SYT14: variants seen among roughly 807,000 people sequenced by gnomAD.
The protein encoded by SYT14 is synaptotagmin-14.
In SYT14, 32 loss-of-function variants were observed where a neutral mutation model predicts 74.2. That is an observed-to-expected ratio of 0.43 (90% CI 0.33 to 0.58). SYT14 has a LOEUF of 0.58. Ranked by LOEUF, SYT14 falls within the 20% of genes least tolerant of loss-of-function variation. The probability of loss-of-function intolerance (pLI) is 0.05; values close to 1 mark genes in which losing one functional copy is unlikely to be tolerated. For missense variants in SYT14, 791 were observed against 981.8 expected (o/e 0.81, Z 2.60); for synonymous variants, 298 against 337.7 (o/e 0.88, Z 1.29).
intron 3 of SYT14, among the ~76,000 whole-genome samples, chr1:210,015,505 T>G (rs1399802052): frequency 6.6e-6 from 1 of 152,218 alleles, no homozygotes; most frequent in Non-Finnish European, 1.5e-5. Flanking sequence ...TGTCCACACT[T>G]CCTCTCCCCT....
In SYT14 at chr1:209,944,505, G is replaced by T. The variant is rs144125891; in HGVS notation, c.-534+6228G>T. Reference sequence around the variant, plus strand: ...CTTTGTAAATTATAAAGTGCTCTGAGATATTGTTGTCAATAAGATCTAGTT... The same window carrying T: ...CTTTGTAAATTATAAAGTGCTCTGATATATTGTTGTCAATAAGATCTAGTT... On this transcript the variant is annotated intron_variant, in intron 1 of 9. Coordinates refer to ENST00000637265, the Ensembl canonical transcript of SYT14. 2.6e-5 allele frequency among the ~76,000 whole-genome samples: 4 copies of T among 152,292 alleles called. No homozygotes were observed. In the East Asian group the frequency reaches 7.7e-4, roughly 29 times the overall value.
At chr1:210,108,071 C>T (rs1014987668) in intron 7 of SYT14, among the ~76,000 whole-genome samples, 1 of 152,150 alleles carries the variant, frequency 6.6e-6, no homozygotes, top group Non-Finnish European at 1.5e-5. Context: ...ACAGTGAAAA[C>T]TTAAATTTTC....
At chr1:209,967,709 C>G (rs1165959320) in intron 2 of SYT14, among the ~76,000 whole-genome samples, 1 of 151,802 alleles carries the variant, frequency 6.6e-6, no homozygotes, top group Non-Finnish European at 1.5e-5. Flanking sequence ...TTTCACTGAT[C>G]ATTATAGGTA....
intron 2 of SYT14, among the ~76,000 whole-genome samples, chr1:209,960,101 A>G (rs948848287): frequency 1.3e-5 from 2 of 152,286 alleles, no homozygotes; most frequent in Admixed American, 6.5e-5. Flanking sequence ...GTGAATGTAT[A>G]TACTAATATA....
At chr1:210,093,472 C>T (rs946121698) in intron 5 of SYT14, among the ~76,000 whole-genome samples, 2 of 152,088 alleles carry the variant, frequency 1.3e-5, no homozygotes, top group Non-Finnish European at 2.9e-5. Flanking sequence ...TCCTTATTTC[C>T]CTCCTGCCCC....
intron 2 of SYT14, among the ~76,000 whole-genome samples, chr1:210,010,715 A>G (rs879485093): frequency 1.2e-4 from 19 of 152,192 alleles, no homozygotes; most frequent in African/African-American, 3.1e-4. Context: ...CGTAGAAATA[A>G]GGATTGAGGC....
At chr1:210,075,255 G>A (rs772967483) in intron 5 of SYT14, among the ~76,000 whole-genome samples, 1 of 151,976 alleles carries the variant, frequency 6.6e-6, no homozygotes, top group African/African-American at 2.4e-5. Context: ...ATGTCCTCTC[G>A]CTGTCCAGCT....
chr1:210,018,273 A>G (rs1381602150), intron 4 of SYT14, among the ~76,000 whole-genome samples: 1 of 152,156 alleles, frequency 6.6e-6, no homozygotes, highest in Non-Finnish European at 1.5e-5. Flanking sequence ...AGCTGGGACT[A>G]CAGGCACGCA....
chr1:209,965,539 T>C (rs570763463), intron 2 of SYT14, among the ~76,000 whole-genome samples: 2 of 152,350 alleles, frequency 1.3e-5, no homozygotes, highest in Admixed American at 6.5e-5. Context: ...TGTATCTTTT[T>C]GGTAGAACAG....
chr1:210,170,562 A>G (rs995333071), exon 10 of SYT14: 1 of 152,118 alleles, frequency 6.6e-6, no homozygotes, highest in African/African-American at 2.4e-5. Context: ...GTGTGGGTTA[A>G]AAGTTATTTT....
intron 5 of SYT14, among the ~76,000 whole-genome samples, chr1:210,050,452 C>T (rs1274822667): frequency 6.6e-6 from 1 of 152,202 alleles, no homozygotes; most frequent in Admixed American, 6.5e-5. Context: ...GTCTTCTGAG[C>T]CCTCCAAACT....
At chr1:210,163,707 C>T (rs766004974) in exon 10 of SYT14, 2 of 453,642 alleles carry the variant, frequency 4.4e-6, no homozygotes, top group South Asian at 3.1e-5. Context: ...AATAATTACT[C>T]CCAAAAAGTT....
At chr1:210,069,806 C>T (rs902588546) in intron 5 of SYT14, among the ~76,000 whole-genome samples, 6 of 150,884 alleles carry the variant, frequency 4.0e-5, no homozygotes, top group African/African-American at 1.5e-4. Flanking sequence ...TTTTTTTTCT[C>T]TCTGTTATAC....
rs1032807022 is a variant in SYT14 at position 210,013,731 on chromosome 1, A to C, written c.-387A>C. 4.3e-6 allele frequency: 7 copies of C among 1,612,946 alleles called. No individual in the cohort carries two copies. The African/African-American group carries it at 6.7e-5, about 15-fold the overall frequency. ...TATTAATAAGAAGTTCTGTTTTGAA[A>C]ATGTTGGCGGGTTTCCAGATCTTGG... On this transcript the variant is annotated 5_prime_UTR_variant, in exon 3 of 10. Coordinates refer to ENST00000637265, the Ensembl canonical transcript of SYT14.
intron 5 of SYT14, among the ~76,000 whole-genome samples, chr1:210,025,349 T>C (rs1032158417): frequency 2.0e-5 from 3 of 152,174 alleles, no homozygotes; most frequent in Non-Finnish European, 2.9e-5. Context: ...AAGAGATGAA[T>C]AGAGTAAGTT....
chr1:210,126,580 T>G (rs2082575234), intron 7 of SYT14, among the ~76,000 whole-genome samples: 2 of 152,230 alleles, frequency 1.3e-5, no homozygotes, highest in South Asian at 4.1e-4. Context: ...CCATGTAATT[T>G]GTTTTTTATT....
At chr1:210,083,519 C>T (rs1238107322) in intron 5 of SYT14, among the ~76,000 whole-genome samples, 2 of 151,976 alleles carry the variant, frequency 1.3e-5, no homozygotes, top group African/African-American at 2.4e-5. Flanking sequence ...CTCAAACGAT[C>T]GTCTTTTAGT....
At chr1:210,020,473 C>G (rs1558133088) in intron 4 of SYT14, among the ~76,000 whole-genome samples, 1 of 152,162 alleles carries the variant, frequency 6.6e-6, no homozygotes, top group Non-Finnish European at 1.5e-5. Context: ...AAATTGCTCT[C>G]TAGGAAAGTA....
chr1:210,128,188 C>T (rs12122263), intron 7 of SYT14, among the ~76,000 whole-genome samples: 3,613 of 152,142 alleles, frequency 0.024, 62 homozygotes, highest in Non-Finnish European at 0.04. Context: ...ACCTGGACAA[C>T]ACAGGGAGAC....
Sources: allele counts gnomAD v4.1 joint callset (sites outside exome capture counted in the v4.1 genomes callset), GRCh38; gene constraint gnomAD v4.1.1; transcripts MANE v1.5; gene names NCBI Gene and HGNC (gene_info 2026-07-23, HGNC 2026-07-21).